The following PPP3CA variants were observed in gnomAD, a reference collection of about 807,000 sequenced individuals.
PPP3CA encodes the protein protein phosphatase 3 catalytic subunit alpha, also known as CAM-PRP catalytic subunit.
In PPP3CA, 14 loss-of-function variants were observed where a neutral mutation model predicts 66.5. The observed-to-expected ratio is 0.21, with a 90% CI of 0.14 to 0.33. PPP3CA has a LOEUF of 0.33. PPP3CA is among the 10% of genes least tolerant of loss of function. The pLI is 1.00. For missense variants in PPP3CA, 317 were observed against 639.5 expected, an observed-to-expected ratio of 0.50 and a Z score of 5.44; for synonymous variants, 232 against 226.2, an observed-to-expected ratio of 1.03 and a Z score of -0.23.
At position 101,032,301 on chromosome 4, in the gene PPP3CA, T is replaced by C; in HGVS notation, c.1305A>G (p.Gly435=). 1 of 1,608,860 alleles carries C rather than the reference T, an allele frequency of 6.2e-7. No homozygotes were observed. The highest frequency in any genetic ancestry group is 8.5e-7 in the Non-Finnish European group (1 of 1,177,780). Residue 435 remains glycine (G), a synonymous_variant, in exon 12 of 14, where the codon GGA becomes GGG. Coordinates refer to ENST00000394854, the MANE Select transcript of PPP3CA (RefSeq NM_000944.5). ...GGGTTTGCTTCCCTCCAGAAAGTAC[T>C]CCGCTGGGGAGCATGCCAGTTGGGG... ...GLTPTGMLPS[G]VLSGGKQTLQ...
intron 1 of PPP3CA, among the ~76,000 whole-genome samples, chr4:101,214,458 T>C (rs966872593): frequency 6.6e-5 from 10 of 152,020 alleles, no homozygotes; most frequent in African/African-American, 2.4e-4. Flanking sequence ...ATCAGAAACA[T>C]ATAGCAACTC....
At chr4:101,212,468 G>T (rs987554444) in intron 1 of PPP3CA, among the ~76,000 whole-genome samples, 2 of 152,140 alleles carry the variant, frequency 1.3e-5, no homozygotes, top group African/African-American at 4.8e-5. Context: ...GTCAAGGAGG[G>T]TGTTAGGGGA....
intron 2 of PPP3CA, among the ~76,000 whole-genome samples, chr4:101,190,978 C>T (rs986150651): frequency 6.6e-6 from 1 of 152,134 alleles, no homozygotes; most frequent in African/African-American, 2.4e-5. Flanking sequence ...CCCTACAATG[C>T]AGAAGTAGAA....
chr4:101,300,831 G>T (rs959830394), intron 1 of PPP3CA, among the ~76,000 whole-genome samples: 6 of 152,034 alleles, frequency 3.9e-5, no homozygotes, highest in African/African-American at 1.4e-4. Flanking sequence ...TGTCATTCTG[G>T]ATTGTACTGT....
intron 2 of PPP3CA, among the ~76,000 whole-genome samples, chr4:101,172,352 T>C (rs1022599063): frequency 6.6e-6 from 1 of 152,194 alleles, no homozygotes; most frequent in Non-Finnish European, 1.5e-5. Context: ...GAGAGAATTA[T>C]GTACCCATCT....
chr4:101,119,846 A>T (rs908398355), intron 2 of PPP3CA, among the ~76,000 whole-genome samples: 3 of 152,092 alleles, frequency 2.0e-5, no homozygotes, highest in Non-Finnish European at 4.4e-5. Flanking sequence ...AGTAAGTGCT[A>T]TTCTTATATG....
chr4:101,340,089 A>G (rs1314478913), intron 1 of PPP3CA, among the ~76,000 whole-genome samples: 1 of 152,210 alleles, frequency 6.6e-6, no homozygotes, highest in Non-Finnish European at 1.5e-5. Flanking sequence ...CACAGTTGTC[A>G]AAAGTACCTG....
intron 1 of PPP3CA, among the ~76,000 whole-genome samples, chr4:101,227,710 A>G (rs1374972244): frequency 6.6e-6 from 1 of 151,214 alleles, no homozygotes; most frequent in Non-Finnish European, 1.5e-5. Flanking sequence ...TTCAATCCTC[A>G]CCCTCCTCCC....
At chr4:101,115,692 A>G (rs1721817707) in intron 2 of PPP3CA, among the ~76,000 whole-genome samples, 1 of 151,894 alleles carries the variant, frequency 6.6e-6, no homozygotes, top group South Asian at 2.1e-4. Context: ...TGAATAGAAG[A>G]TACAAAACCA....
At chr4:101,067,293 A>G (rs1728720813) in intron 8 of PPP3CA, among the ~76,000 whole-genome samples, 1 of 152,140 alleles carries the variant, frequency 6.6e-6, no homozygotes, top group Non-Finnish European at 1.5e-5. Context: ...GTGTTCAAAG[A>G]CATGCTGTAA....
chr4:101,252,970 C>G (rs1726725452), intron 1 of PPP3CA, among the ~76,000 whole-genome samples: 1 of 152,112 alleles, frequency 6.6e-6, no homozygotes, highest in Non-Finnish European at 1.5e-5. Context: ...ATGTGCTTCC[C>G]ATGCAGAGAA....
intron 1 of PPP3CA, among the ~76,000 whole-genome samples, chr4:101,253,922 T>G (rs1416068457): frequency 6.6e-6 from 1 of 152,042 alleles, no homozygotes; most frequent in East Asian, 1.9e-4. Context: ...CCAATAAAAT[T>G]ATACAATACA....
intron 1 of PPP3CA, among the ~76,000 whole-genome samples, chr4:101,324,811 A>G (rs1345316264): frequency 1.3e-5 from 2 of 152,224 alleles, no homozygotes; most frequent in Non-Finnish European, 2.9e-5. Flanking sequence ...TGCCATCAGG[A>G]GCCAATTACC....
At chr4:101,277,929 T>TC (rs1390976631) in intron 1 of PPP3CA, among the ~76,000 whole-genome samples, 1 of 152,038 alleles carries the variant, frequency 6.6e-6, no homozygotes, top group Non-Finnish European at 1.5e-5. Context: ...ACTATATTAG[T>TC]CCTATAAATC....
chr4:101,079,471 C>T (rs980563947), intron 8 of PPP3CA, among the ~76,000 whole-genome samples: 1 of 151,758 alleles, frequency 6.6e-6, no homozygotes, highest in Admixed American at 6.6e-5. Context: ...CTCCGCCTCC[C>T]GGGTTCACGC....
rs116106525 is a variant in PPP3CA, at chr4:101,065,000, C to T, written c.956-1643G>A. 1.1e-3 allele frequency among the ~76,000 whole-genome samples: 162 copies of T among 152,114 alleles called. 1 individual carries two copies. Among genetic ancestry groups the T allele is most frequent in the African/African-American group, 3.7e-3 (153 of 41,538 alleles). ...TCCAGGGAACATATAATCACAGACACTCTGGGGACAAGAAATGTAGATAGT... is the reference window on the plus strand; with the variant it reads ...TCCAGGGAACATATAATCACAGACATTCTGGGGACAAGAAATGTAGATAGT... On this transcript the variant is annotated intron_variant, in intron 8 of 13. Coordinates refer to ENST00000394854, the MANE Select transcript of PPP3CA (RefSeq NM_000944.5).
At position 101,113,542 on chromosome 4, in the gene PPP3CA, G is replaced by A. The variant is rs183198512; in HGVS notation, c.260-4464C>T. On this transcript the variant is annotated intron_variant, in intron 2 of 13. Transcript: ENST00000394854. ...TAGGAAGGAGGGATGAACCTAAGAA[G>A]GCTGATAACACCACATGTCTTTGGG... is the stretch of plus-strand genomic sequence containing the variant. Among the ~76,000 whole-genome samples the A allele has an allele frequency of 3.2e-3, 489 of 152,190 alleles. 2 individuals are homozygous for A. Among genetic ancestry groups the A allele is most frequent in the Non-Finnish European group, 5.2e-3 (351 of 67,998 alleles).
At chr4:101,038,519 G>A (rs1291210050) in intron 11 of PPP3CA, among the ~76,000 whole-genome samples, 4 of 151,950 alleles carry the variant, frequency 2.6e-5, no homozygotes, top group Non-Finnish European at 4.4e-5. Context: ...ACAGGCACGT[G>A]TCACCATGCC....
chr4:101,240,847 T>C (rs1243868801), intron 1 of PPP3CA: 1 of 152,116 alleles, frequency 6.6e-6, no homozygotes, highest in African/African-American at 2.4e-5. Context: ...GGCAACAATA[T>C]GTTCCACAGG....
Sources: allele counts gnomAD v4.1 joint callset (sites outside exome capture counted in the v4.1 genomes callset), GRCh38; gene constraint gnomAD v4.1.1; transcripts MANE v1.5; gene names NCBI Gene and HGNC (gene_info 2026-07-23, HGNC 2026-07-21).